Variants in CEP162 observed in about 807,000 individuals in gnomAD.
The protein encoded by CEP162 is centrosomal protein 162.
In CEP162, 141 loss-of-function variants were observed where a neutral mutation model predicts 169.2. That is an observed-to-expected ratio of 0.83 (90% CI 0.73 to 0.96). The LOEUF (loss-of-function observed/expected upper bound fraction) is 0.96. Ranked by LOEUF, CEP162 falls within the 40% of genes least tolerant of loss-of-function variation. CEP162 has a pLI of 0.00. For synonymous variants in CEP162, 540 were observed against 526.4 expected (o/e 1.03, Z -0.35); for missense variants, 1,600 against 1,587.2 (o/e 1.01, Z -0.14).
intron 26 of CEP162, 73 bp from the exon 27 acceptor site, chr6:84,125,349 G>A: frequency 7.4e-7 from 1 of 1,349,350 alleles, no homozygotes; most frequent in South Asian, 1.2e-5. Context: ...CAATCTTAAA[G>A]TAGGCAAACC....
At chr6:84,153,241 C>G in intron 22 of CEP162, 62 bp from the exon 23 acceptor site, 3 of 1,453,658 alleles carry the variant, frequency 2.1e-6, no homozygotes, top group South Asian at 2.8e-5. Context: ...TTGCTGAAGC[C>G]CTGCACACTA....
intron 25 of CEP162, among the ~76,000 whole-genome samples, chr6:84,128,799 C>T (rs1181478361): frequency 2.0e-5 from 3 of 151,980 alleles, no homozygotes; most frequent in Non-Finnish European, 2.9e-5. Context: ...CCCATCAACC[C>T]GTCATCTACA....
chr6:84,154,733 A>G (rs1484161337), intron 22 of CEP162, among the ~76,000 whole-genome samples: 1 of 152,122 alleles, frequency 6.6e-6, no homozygotes, highest in Non-Finnish European at 1.5e-5. Context: ...AAAATAATCT[A>G]TAACTGTTAT....
At chr6:84,216,165 A>T (rs1479366020) in intron 3 of CEP162, among the ~76,000 whole-genome samples, 1 of 152,208 alleles carries the variant, frequency 6.6e-6, no homozygotes, top group East Asian at 1.9e-4. Flanking sequence ...AAAATTTTTT[A>T]AAATTACTTT....
intron 17 of CEP162, among the ~76,000 whole-genome samples, chr6:84,169,991 T>C (rs1357951836): frequency 6.6e-6 from 1 of 152,200 alleles, no homozygotes; most frequent in Non-Finnish European, 1.5e-5. Context: ...ACAGCTTCAA[T>C]TTTGGATCCT....
chr6:84,201,072 A>T (rs112568170), intron 8 of CEP162, among the ~76,000 whole-genome samples, 167 bp from the exon 9 acceptor site: 4,557 of 152,230 alleles, frequency 0.03, 258 homozygotes, highest in African/African-American at 0.1. Context: ...AGGTCAGGAG[A>T]TCGAGACCAT....
At chr6:84,126,331 C>G in intron 26 of CEP162, 47 bp downstream of exon 26, 1 of 1,398,706 alleles carries the variant, frequency 7.1e-7, no homozygotes, top group South Asian at 1.7e-5. Context: ...ATTAAAGGCA[C>G]TTAAAAGTAA....
chr6:84,178,237 CG>C (rs1408943945), intron 13 of CEP162, among the ~76,000 whole-genome samples: 2 of 151,472 alleles, frequency 1.3e-5, no homozygotes, highest in African/African-American at 2.4e-5. Context: ...AAAATTGTTA[CG>C]TTTTTAAGGT....
In CEP162 at chr6:84,202,587, G is replaced by A. The variant is rs575025392; in HGVS notation, c.688-820C>T. Among the ~76,000 whole-genome samples, 4 of 138,120 alleles carry A rather than the reference G, an allele frequency of 2.9e-5. No homozygotes were observed. The South Asian group carries it at 8.9e-4, about 31-fold the overall frequency. The allele number at this position is 138,120 out of a possible 152,430, so 90.6% of individuals were successfully genotyped here. Reference sequence around the variant, plus strand: ...CTGTTGCCCAGGCTGGAGTGCAGTGGCTCAATCTTGGCTCACTGCAACCTC... The same window carrying A: ...CTGTTGCCCAGGCTGGAGTGCAGTGACTCAATCTTGGCTCACTGCAACCTC... On this transcript the variant is annotated intron_variant, in intron 7 of 26. Coordinates refer to ENST00000403245, the MANE Select transcript of CEP162 (RefSeq NM_014895.4).
chr6:84,156,936 G>A (rs1237121713), intron 21 of CEP162, among the ~76,000 whole-genome samples: 1 of 152,048 alleles, frequency 6.6e-6, no homozygotes, highest in Non-Finnish European at 1.5e-5. Flanking sequence ...ATACAGACTG[G>A]AATAACAGAC....
rs1354068470 is a variant in CEP162, at chr6:84,163,224, T to A, written c.2432A>T (p.Asp811Val). The A allele has an allele frequency of 1.2e-6, 2 of 1,611,804 alleles. No individual in the cohort carries two copies. Among genetic ancestry groups the A allele is most frequent in the Admixed American group, 3.3e-5 (2 of 59,932 alleles). Residue 811 changes from aspartate (D) to valine (V), a missense_variant, in exon 19 of 27, where the codon GAC (aspartate) becomes GTC (valine). Asp to Val is a radical substitution (Grantham distance 152). Coordinates refer to ENST00000403245, the MANE Select transcript of CEP162 (RefSeq NM_014895.4). ...GAAGTCTACTTCAAGAGCTTGTTTG[T>A]CTTGTTTCAGTCTTTTGATGTCTTC... ...LLEDIKRLKQDKQALEVDFEK... is the reference protein window; with the variant it reads ...LLEDIKRLKQVKQALEVDFEK...
At chr6:84,205,931 C>T (rs1647729357) in intron 6 of CEP162, among the ~76,000 whole-genome samples, 1 of 147,724 alleles carries the variant, frequency 6.8e-6, no homozygotes, top group East Asian at 1.9e-4. Flanking sequence ...CAATAACAGA[C>T]AAACAGAGAG....
chr6:84,151,163 C>A (rs1057162230), intron 23 of CEP162, among the ~76,000 whole-genome samples: 1 of 151,922 alleles, frequency 6.6e-6, no homozygotes. Context: ...AGATGCTAGG[C>A]AGAGAAATTT....
chr6:84,182,777 G>C (rs1273037173), intron 13 of CEP162, among the ~76,000 whole-genome samples: 1 of 152,172 alleles, frequency 6.6e-6, no homozygotes, highest in Non-Finnish European at 1.5e-5. Flanking sequence ...CAGCTTTCCA[G>C]CCATGAACTG....
chr6:84,143,186 C>T lies in CEP162; in HGVS notation c.3870+3501G>A, dbSNP rs564539471. 2.0e-5 allele frequency among the ~76,000 whole-genome samples: 3 copies of T among 152,126 alleles called. No individual in the cohort carries two copies. In the South Asian group the frequency reaches 6.2e-4, roughly 32 times the overall value. On this transcript the variant is annotated intron_variant, in intron 25 of 26. Coordinates refer to ENST00000403245, the MANE Select transcript of CEP162 (RefSeq NM_014895.4). Reference sequence around the variant, plus strand: ...AACATTAACTTATGTTTCACAGACTCATATTGCTGAACATAACCTTATCTA... The same window carrying T: ...AACATTAACTTATGTTTCACAGACTTATATTGCTGAACATAACCTTATCTA...
chr6:84,150,421 T>A (rs1054846020), intron 23 of CEP162, among the ~76,000 whole-genome samples: 11 of 152,194 alleles, frequency 7.2e-5, no homozygotes, highest in Non-Finnish European at 1.6e-4. Flanking sequence ...CTGCTGTTGC[T>A]ATATATTAAT....
At chr6:84,203,917 G>A in intron 7 of CEP162, 64 bp downstream of exon 7, 1 of 887,038 alleles carries the variant, frequency 1.1e-6, no homozygotes, top group Non-Finnish European at 1.8e-6. Flanking sequence ...TCTTCATATA[G>A]CAATAGGCAG....
intron 9 of CEP162, among the ~76,000 whole-genome samples, chr6:84,197,843 AGAG>A (rs1338198038): frequency 7.2e-6 from 1 of 138,872 alleles, no homozygotes; most frequent in African/African-American, 3.0e-5. Flanking sequence ...AAAAAAAAAA[AGAG>A]AGAAAGTTGA....
At chr6:84,138,513 C>T (rs1301926002) in intron 25 of CEP162, among the ~76,000 whole-genome samples, 1 of 152,170 alleles carries the variant, frequency 6.6e-6, no homozygotes, top group East Asian at 1.9e-4. Context: ...GAATATTACA[C>T]AGAATACAGC....
Sources: allele counts gnomAD v4.1 joint callset (sites outside exome capture counted in the v4.1 genomes callset), GRCh38; gene constraint gnomAD v4.1.1; transcripts MANE v1.5; gene names NCBI Gene and HGNC (gene_info 2026-07-23, HGNC 2026-07-21).